CDKN2B-AS1: variants seen among roughly 807,000 people sequenced by gnomAD.
CDKN2B-AS1 encodes CDKN2B antisense RNA 1 (non-protein coding).
At chr9:22,090,417 C>T (rs10965230) in intron 4 of CDKN2B-AS1, among the ~76,000 whole-genome samples, 4,385 of 152,262 alleles carry the variant, frequency 0.029, 80 homozygotes, top group Non-Finnish European at 0.036. Context: ...ACTTCCACAA[C>T]GGTTGAACTA....
At chr9:22,094,331 A>G (rs4977757) in intron 4 of CDKN2B-AS1, among the ~76,000 whole-genome samples, 83,528 of 142,084 alleles carry the variant, frequency 0.59, 28,004 homozygotes, top group African/African-American at 0.84. Flanking sequence ...TCTTTGTGGC[A>G]TTCTCTGTAT....
intron 1 of CDKN2B-AS1, among the ~76,000 whole-genome samples, chr9:21,998,199 AT>A (rs1820768912): frequency 6.6e-6 from 1 of 152,186 alleles, no homozygotes; most frequent in Non-Finnish European, 1.5e-5. Flanking sequence ...GCAAAATACA[AT>A]GGTGAAGATG....
chr9:22,125,518 C>T (rs141631698), intron 4 of CDKN2B-AS1, among the ~76,000 whole-genome samples: 17 of 152,160 alleles, frequency 1.1e-4, no homozygotes, highest in South Asian at 2.1e-4. Context: ...AGCAGCCACT[C>T]GCAGAGGTAA....
intron 4 of CDKN2B-AS1, among the ~76,000 whole-genome samples, chr9:22,099,785 C>T (rs1456827500): frequency 6.6e-6 from 1 of 152,074 alleles, no homozygotes; most frequent in East Asian, 1.9e-4. Context: ...CAGTATGCCA[C>T]AAGTTGTGGA....
At position 22,023,450 on chromosome 9, in the gene CDKN2B-AS1, G is replaced by A. The variant is rs539778677; in HGVS notation, n.30-23301G>A. 7.2e-5 allele frequency among the ~76,000 whole-genome samples: 11 copies of A among 152,054 alleles called. No individual in the cohort carries two copies. The South Asian group carries it at 2.3e-3, about 32-fold the overall frequency. On this transcript the variant is annotated intron_variant and non_coding_transcript_variant, in intron 1 of 4. Coordinates refer to ENST00000650946, the Ensembl canonical transcript of CDKN2B-AS1. ...CTTGTGATTGCATTATGAAATTTTG[G>A]GGGTTGGGAGTGGTGGCTCACACCT...
chr9:22,070,850 C>A (rs1358294410), intron 4 of CDKN2B-AS1, among the ~76,000 whole-genome samples: 1 of 152,094 alleles, frequency 6.6e-6, no homozygotes, highest in African/African-American at 2.4e-5. Flanking sequence ...ATGTAAGTGA[C>A]CTAAGAGGCA....
At chr9:22,124,290 G>A (rs2131378646) in intron 4 of CDKN2B-AS1, among the ~76,000 whole-genome samples, 1 of 152,284 alleles carries the variant, frequency 6.6e-6, no homozygotes, top group Middle Eastern at 3.4e-3. Flanking sequence ...AGAAAGGGAT[G>A]GGTAGACAAA....
intron 4 of CDKN2B-AS1, among the ~76,000 whole-genome samples, chr9:22,122,167 T>A (rs973220872): frequency 2.2e-4 from 33 of 152,162 alleles, no homozygotes; most frequent in Admixed American, 5.9e-4. Flanking sequence ...TGTTGAGCAT[T>A]TTTTCATATA....
At position 22,005,635 on chromosome 9, in the gene CDKN2B-AS1, C is replaced by T; in HGVS notation, n.29+10474C>T. ...TCAGCGCTGGAGTGGGAGATTCATC[C>T]ATCGGAAGATTCGTAGCCACCAGGT... On this transcript the variant is annotated intron_variant and non_coding_transcript_variant, in intron 1 of 4. Coordinates refer to ENST00000650946, the Ensembl canonical transcript of CDKN2B-AS1. The surrounding 1 kb of genome is among the most constrained non-coding windows in gnomAD (Gnocchi z 4.9). 1 of 458,952 alleles carries T rather than the reference C, an allele frequency of 2.2e-6. No individual in the cohort carries two copies. The highest frequency in any genetic ancestry group is 2.2e-5 in the South Asian group (1 of 45,508). The allele number at this position is 458,952 out of a possible 1,614,324, so 28.4% of individuals were successfully genotyped here.
chr9:22,106,308 C>G (rs1825657359), intron 4 of CDKN2B-AS1, among the ~76,000 whole-genome samples: 1 of 152,078 alleles, frequency 6.6e-6, no homozygotes, highest in East Asian at 1.9e-4. Flanking sequence ...GTCTCAAACT[C>G]TTGACCTCAT....
At chr9:22,054,825 C>T (rs1404961157) in intron 3 of CDKN2B-AS1, among the ~76,000 whole-genome samples, 4 of 150,852 alleles carry the variant, frequency 2.7e-5, no homozygotes, top group East Asian at 1.9e-4. Flanking sequence ...TGTCTCAGCT[C>T]ACTGTAACTT....
chr9:22,009,511 G>A (rs560770634), intron 1 of CDKN2B-AS1: 29 of 236,484 alleles, frequency 1.2e-4, no homozygotes, highest in Middle Eastern at 1.4e-3. Flanking sequence ...AATGCTGGCT[G>A]CACTGCTCGC....
rs1301380016 is a variant in CDKN2B-AS1 at position 22,095,192 on chromosome 9, C to G, written n.439-31911C>G. Among the ~76,000 whole-genome samples, 2 of 144,770 alleles carry G rather than the reference C, an allele frequency of 1.4e-5. 1 individual carries two copies. Among genetic ancestry groups the G allele is most frequent in the Admixed American group, 1.3e-4 (2 of 14,936 alleles). 95.0% of individuals were successfully genotyped at this position (144,770 alleles called of 152,430 possible). A position where few individuals can be genotyped will look rare whatever the true frequency, so the allele number is the denominator to read the frequency against. ...CTGGAAGCTTCGTCTCAGAGGGGTA[C>G]CCAGCCGTGTGAGGTGTCAGTCTGC... is the stretch of plus-strand genomic sequence containing the variant. On this transcript the variant is annotated intron_variant and non_coding_transcript_variant, in intron 4 of 4. Transcript: ENST00000650946.
At chr9:22,126,875 G>A (rs1188783809) in intron 4 of CDKN2B-AS1, among the ~76,000 whole-genome samples, 1 of 151,966 alleles carries the variant, frequency 6.6e-6, no homozygotes, top group Non-Finnish European at 1.5e-5. Flanking sequence ...GAATTCTAAG[G>A]AGTATCGAGA....
chr9:22,096,856 G>A lies in CDKN2B-AS1; in HGVS notation n.439-30247G>A, dbSNP rs55766371. On this transcript the variant is annotated intron_variant and non_coding_transcript_variant, in intron 4 of 4. Coordinates refer to ENST00000650946, the Ensembl canonical transcript of CDKN2B-AS1. The stretch of plus-strand genomic sequence containing the variant: ...TCACTCATCAATCTATTAGACTCAG[G>A]CATCATCTGCTTGCCTTCGTAACCC... Among the ~76,000 whole-genome samples, 1,220 of 152,126 alleles carry A rather than the reference G, an allele frequency of 8.0e-3. 18 individuals carry two copies. The highest frequency in any genetic ancestry group is 0.028 in the African/African-American group (1,144 of 41,504).
chr9:22,098,996 A>G (rs553216693), intron 4 of CDKN2B-AS1, among the ~76,000 whole-genome samples: 5 of 152,240 alleles, frequency 3.3e-5, no homozygotes, highest in African/African-American at 9.6e-5. Context: ...GCCTAATACT[A>G]GGCAAGAAGT....
intron 2 of CDKN2B-AS1, among the ~76,000 whole-genome samples, chr9:22,048,180 C>T (rs1001235683): frequency 3.3e-5 from 5 of 152,152 alleles, no homozygotes; most frequent in African/African-American, 1.2e-4. Context: ...AACTTTTCAA[C>T]ACTGTCATCC....
chr9:22,090,632 A>C (rs1825046490), intron 4 of CDKN2B-AS1, among the ~76,000 whole-genome samples: 1 of 152,106 alleles, frequency 6.6e-6, no homozygotes, highest in Non-Finnish European at 1.5e-5. Flanking sequence ...TCTTCTTTTG[A>C]GAAGTGTCTG....
At chr9:22,124,536 A>G (rs1817989533) in intron 4 of CDKN2B-AS1, among the ~76,000 whole-genome samples, 1 of 152,194 alleles carries the variant, frequency 6.6e-6, no homozygotes, top group Non-Finnish European at 1.5e-5. Flanking sequence ...CTTTAATTGT[A>G]ACGCCTTTTA....
Sources: gnomAD v4.1 joint callset for allele counts (sites outside exome capture counted in the v4.1 genomes callset) on GRCh38, gnomAD v4.1.1 for gene constraint, Gnocchi (gnomAD v3.1) non-coding constraint, MANE v1.5 for transcripts, NCBI Gene and HGNC (gene_info 2026-07-23, HGNC 2026-07-21) for gene names.